NBAS: variants seen among roughly 807,000 people sequenced by gnomAD.
NBAS encodes NAG/BC035112 fusion.
In NBAS, 219 loss-of-function variants were observed where a neutral mutation model predicts 302.5. That is an observed-to-expected ratio of 0.72 (90% CI 0.65 to 0.81). NBAS has a LOEUF of 0.81. Ranked by LOEUF, NBAS falls within the 30% of genes least tolerant of loss-of-function variation. The pLI, the probability that NBAS is intolerant of heterozygous loss-of-function variation, is 0.00. For synonymous variants in NBAS, 1,118 were observed against 1,021.6 expected (o/e 1.09, Z -1.80); for missense variants, 2,932 against 2,841.6 (o/e 1.03, Z -0.72).
rs78018652 is a variant in NBAS, at chr2:15,185,454, A to C, written c.6711+1288T>G. ...TTAGCTTATATTCAAGCAAAGGTGA[A>C]TCTCATGTTATTTACATGTTGCTTA... On this transcript the variant is annotated intron_variant, in intron 50 of 51. Transcript: ENST00000281513. 3.3e-3 allele frequency among the ~76,000 whole-genome samples: 503 copies of C among 152,284 alleles called. 3 individuals are homozygous for C. Among genetic ancestry groups the C allele is most frequent in the African/African-American group, 0.011 (465 of 41,564 alleles).
chr2:15,274,975 A>G (rs1461693993), intron 44 of NBAS, among the ~76,000 whole-genome samples: 4 of 135,254 alleles, frequency 3.0e-5, no homozygotes, highest in African/African-American at 5.6e-5. Context: ...TAGAGATGGG[A>G]TTTCACCATA....
At position 15,553,922 on chromosome 2, in the gene NBAS, A is replaced by T. The variant is rs1664516572; in HGVS notation, c.287+139T>A. The T allele has an allele frequency of 1.4e-5, 10 of 728,642 alleles. 1 individual carries two copies. The South Asian group carries it at 1.5e-4, about 11-fold the overall frequency. 45.1% of individuals were successfully genotyped at this position (728,642 alleles called of 1,614,324 possible). A position where few individuals can be genotyped will look rare whatever the true frequency, so the allele number is the denominator to read the frequency against. On this transcript the variant is annotated intron_variant, in intron 4 of 51. Coordinates refer to ENST00000281513, the MANE Select transcript of NBAS (RefSeq NM_015909.4). ...CCTCTCTCTCTAAAAAGTTTAAACA[A>T]TACTAAATATTTGCAACAAAGAAAT...
the NBAS span, among the ~76,000 whole-genome samples, chr2:15,046,971 C>T: frequency 1.5e-3 from 230 of 152,266 alleles, no homozygotes; most frequent in African/African-American, 5.2e-3. Flanking sequence ...CAAGACACCA[C>T]GGGCCTGCTG....
chr2:15,276,385 T>C (rs1669584668), intron 43 of NBAS, among the ~76,000 whole-genome samples: 1 of 152,212 alleles, frequency 6.6e-6, no homozygotes, highest in Non-Finnish European at 1.5e-5. Context: ...GTTTAATTTC[T>C]TAGTTATGAG....
At chr2:14,899,407 C>G in the NBAS span, among the ~76,000 whole-genome samples, 1,691 of 152,292 alleles carry the variant, frequency 0.011, 42 homozygotes, top group African/African-American at 0.038. Flanking sequence ...TTTCCTTAGT[C>G]CAGATCATTT....
At chr2:14,928,191 A>T in the NBAS span, among the ~76,000 whole-genome samples, 1 of 151,932 alleles carries the variant, frequency 6.6e-6, no homozygotes, top group Non-Finnish European at 1.5e-5. Context: ...TTTTCTTCTG[A>T]TTTGAAAATC....
At chr2:14,875,399 G>C in the NBAS span, among the ~76,000 whole-genome samples, 1 of 152,108 alleles carries the variant, frequency 6.6e-6, no homozygotes, top group South Asian at 2.1e-4. Flanking sequence ...TGGCGAACAC[G>C]AGGTCAGGAG....
At chr2:15,182,210 C>T (rs892107210) in intron 50 of NBAS, among the ~76,000 whole-genome samples, 1 of 152,206 alleles carries the variant, frequency 6.6e-6, no homozygotes, top group Non-Finnish European at 1.5e-5. Flanking sequence ...ACTAGCCGTG[C>T]CTCTTGGACT....
At chr2:15,374,139 A>G (rs982249471) in intron 31 of NBAS, among the ~76,000 whole-genome samples, 1 of 152,178 alleles carries the variant, frequency 6.6e-6, no homozygotes, top group Non-Finnish European at 1.5e-5. Context: ...CTAAACAAAA[A>G]TTTCTTATCG....
chr2:15,318,041 G>A (rs1235795658), intron 38 of NBAS, among the ~76,000 whole-genome samples: 1 of 152,238 alleles, frequency 6.6e-6, no homozygotes, highest in Admixed American at 6.5e-5. Context: ...CAGACTAACA[G>A]CAGATCTCTT....
chr2:14,805,663 C>G, the NBAS span, among the ~76,000 whole-genome samples: 4 of 152,148 alleles, frequency 2.6e-5, no homozygotes, highest in Non-Finnish European at 2.9e-5. Context: ...CAAGAGAGGG[C>G]TGCTTCCAAA....
In NBAS at chr2:15,542,630, A is replaced by G. The variant is rs564328264; in HGVS notation, c.380-3274T>C. Among the ~76,000 whole-genome samples the G allele has an allele frequency of 2.9e-3, 438 of 151,758 alleles. 1 individual carries two copies. Among genetic ancestry groups the G allele is most frequent in the African/African-American group, 0.01 (417 of 41,296 alleles). On this transcript the variant is annotated intron_variant, in intron 6 of 51. Coordinates refer to ENST00000281513, the MANE Select transcript of NBAS (RefSeq NM_015909.4). ...AACACCCAAGAATGATCAATAAAAA[A>G]ATAAATAAATAAATAAGATAAAAAA...
chr2:14,865,801 CTGTTAT>C, the NBAS span, among the ~76,000 whole-genome samples: 36,671 of 151,508 alleles, frequency 0.24, 8,423 homozygotes, highest in African/African-American at 0.61. Context: ...TCCTATGAAT[CTGTTAT>C]TGTTATTATT....
chr2:14,799,613 C>G, the NBAS span, among the ~76,000 whole-genome samples: 1 of 152,076 alleles, frequency 6.6e-6, no homozygotes, highest in Non-Finnish European at 1.5e-5. Flanking sequence ...AGTCTATATC[C>G]TCACCAAGCT....
chr2:15,330,905 G>A lies in NBAS; in HGVS notation c.4180-140C>T, dbSNP rs999378637. ...TTTAAAAATCCATCCAACTTTGCTTGTAACAAAATAAATGTTAAAAGAGCA... is the reference window on the plus strand; with the variant it reads ...TTTAAAAATCCATCCAACTTTGCTTATAACAAAATAAATGTTAAAAGAGCA... On this transcript the variant is annotated intron_variant, in intron 35 of 51. Coordinates refer to ENST00000281513, the MANE Select transcript of NBAS (RefSeq NM_015909.4). 8 of 861,298 alleles carry A rather than the reference G, an allele frequency of 9.3e-6. No individual in the cohort carries two copies. In the Admixed American group the frequency reaches 1.8e-4, roughly 19 times the overall value. 53.4% of individuals were successfully genotyped at this position (861,298 alleles called of 1,614,324 possible).
the NBAS span, among the ~76,000 whole-genome samples, chr2:14,829,305 GT>G: frequency 6.6e-6 from 1 of 152,076 alleles, no homozygotes; most frequent in African/African-American, 2.4e-5. Context: ...AATAATGCTT[GT>G]CAGTATTATT....
intron 44 of NBAS, among the ~76,000 whole-genome samples, chr2:15,264,127 G>T (rs1434875575): frequency 6.6e-6 from 1 of 152,214 alleles, no homozygotes; most frequent in Non-Finnish European, 1.5e-5. Context: ...TTACAGTTGA[G>T]TAATAAACAG....
chr2:15,213,798 T>C (rs1666530970), intron 48 of NBAS, among the ~76,000 whole-genome samples: 1 of 152,204 alleles, frequency 6.6e-6, no homozygotes, highest in South Asian at 2.1e-4. Context: ...GAACACATTG[T>C]TCATAAAGAG....
intron 48 of NBAS, among the ~76,000 whole-genome samples, chr2:15,213,576 A>G (rs1039611156): frequency 2.6e-5 from 4 of 152,204 alleles, no homozygotes; most frequent in Non-Finnish European, 5.9e-5. Flanking sequence ...GTGTAGTACA[A>G]GGCCAAGAAT....
Sources: allele counts gnomAD v4.1 joint callset (sites outside exome capture counted in the v4.1 genomes callset), GRCh38; gene constraint gnomAD v4.1.1; transcripts MANE v1.5; gene names NCBI Gene and HGNC (gene_info 2026-07-23, HGNC 2026-07-21).